DPH6: variants seen among roughly 807,000 people sequenced by gnomAD.
DPH6 encodes the protein diphthine--ammonia ligase.
In DPH6, 33 loss-of-function variants were observed where a neutral mutation model predicts 38.2. That is an observed-to-expected ratio of 0.86 (90% CI 0.65 to 1.15). The LOEUF (loss-of-function observed/expected upper bound fraction) is 1.15, where lower values mean the gene tolerates loss of function less well. DPH6 is among the 50% of genes most tolerant of loss of function. The pLI, the probability that DPH6 is intolerant of heterozygous loss-of-function variation, is 0.00. For synonymous variants in DPH6, 108 were observed against 103.0 expected (o/e 1.05, Z -0.30); for missense variants, 325 against 320.0 (o/e 1.02, Z -0.12).
At chr15:35,202,764 T>C in the DPH6 span, among the ~76,000 whole-genome samples, 1 of 151,828 alleles carries the variant, frequency 6.6e-6, no homozygotes, top group African/African-American at 2.4e-5. Flanking sequence ...GCGTTTTCAG[T>C]ATCTGGTCAT....
At chr15:35,531,809 T>TCCCC in intron 3 of DPH6, among the ~76,000 whole-genome samples, 1 of 152,260 alleles carries the variant, frequency 6.6e-6, no homozygotes. Flanking sequence ...ACTAAACTTA[T>TCCCC]TCTTTTAATA....
chr15:35,353,664 G>A lies in DPH6; in HGVS notation n.207+19857C>T, dbSNP rs1200979385. Among the ~76,000 whole-genome samples the A allele has an allele frequency of 4.6e-5, 7 of 152,290 alleles. No individual in the cohort carries two copies. The East Asian group carries it at 1.4e-3, about 29-fold the overall frequency. On this transcript the variant is annotated intron_variant and non_coding_transcript_variant, in intron 3 of 3. Coordinates refer to the DPH6 transcript ENST00000558973. ...ATCTCTGTTTTGGTACCAGTAGCAT[G>A]CTGTTTTGGTTACTGTAGCCTTGTA...
intron 3 of DPH6, among the ~76,000 whole-genome samples, chr15:35,534,389 A>AAAAAAG: frequency 6.6e-6 from 1 of 151,546 alleles, no homozygotes; most frequent in Admixed American, 6.6e-5. Context: ...AAAAAAAAAA[A>AAAAAAG]AAAAAAGAAA....
chr15:35,352,344 T>A (rs2052521233), intron 3 of DPH6, among the ~76,000 whole-genome samples: 1 of 152,194 alleles, frequency 6.6e-6, no homozygotes, highest in African/African-American at 2.4e-5. Context: ...GTTTGTTACA[T>A]ATGTATACAT....
At chr15:35,301,100 C>G (rs543438630) in intron 3 of DPH6, among the ~76,000 whole-genome samples, 4 of 152,182 alleles carry the variant, frequency 2.6e-5, no homozygotes, top group African/African-American at 7.2e-5. Flanking sequence ...GACCTTAACA[C>G]TAAATCACAC....
chr15:35,484,720 G>A (rs887901409), intron 3 of DPH6, among the ~76,000 whole-genome samples: 3 of 152,076 alleles, frequency 2.0e-5, no homozygotes, highest in African/African-American at 2.4e-5. Context: ...TGTAAGTCTC[G>A]GGTCTAGCCC....
At chr15:35,302,011 C>A (rs2140805445) in intron 3 of DPH6, among the ~76,000 whole-genome samples, 1 of 151,980 alleles carries the variant, frequency 6.6e-6, no homozygotes, top group Admixed American at 6.6e-5. Flanking sequence ...ATTTAAAAAC[C>A]AAATTCCAAC....
At position 35,448,998 on chromosome 15, in the gene DPH6, TGCTTAAATCCAAAAAAAGTCCC is replaced by T. The variant is rs776783237; in HGVS notation, c.505+1665_505+1686del. 1.3e-3 allele frequency among the ~76,000 whole-genome samples: 163 copies of T among 126,038 alleles called. 1 individual carries two copies. The highest frequency in any genetic ancestry group is 1.2e-3 in the Non-Finnish European group (70 of 59,486). 82.7% of individuals were successfully genotyped at this position (126,038 alleles called of 152,430 possible). On this transcript the variant is annotated intron_variant, in intron 5 of 8. Transcript: ENST00000256538. Reference sequence around the variant, plus strand: ...CTTATTGTCTCATTTTTTTTTTTTTTGCTTAAATCCAAAAAAAGTCCCTTTTTTTTGGCTTAAATCCATTTAA... The same window carrying T: ...CTTATTGTCTCATTTTTTTTTTTTTTTTTTTTTTGGCTTAAATCCATTTAA...
At chr15:35,542,799 T>C (rs1218158667) in intron 1 of DPH6, among the ~76,000 whole-genome samples, 2 of 148,832 alleles carry the variant, frequency 1.3e-5, no homozygotes, top group African/African-American at 4.9e-5. Flanking sequence ...GATTTGCAAA[T>C]AGAAAATGAT....
chr15:35,327,547 A>G (rs530415955), downstream of DPH6, among the ~76,000 whole-genome samples: 15 of 152,160 alleles, frequency 9.9e-5, no homozygotes, highest in Admixed American at 3.3e-4. Flanking sequence ...GGGTTTCACC[A>G]TGTTAGCCAG....
At chr15:35,439,643 T>A (rs923901545) in intron 5 of DPH6, among the ~76,000 whole-genome samples, 1 of 152,180 alleles carries the variant, frequency 6.6e-6, no homozygotes, top group Non-Finnish European at 1.5e-5. Flanking sequence ...CTGTACAAAG[T>A]TCCTAACCTG....
In DPH6 at chr15:35,443,724, C is replaced by T. The variant is rs1248410864; in HGVS notation, c.505+6961G>A. 2.0e-5 allele frequency among the ~76,000 whole-genome samples: 3 copies of T among 152,172 alleles called. No homozygotes were observed. In the South Asian group the frequency reaches 6.2e-4, roughly 32 times the overall value. ...TGGAGTTTTCACTTAACTGTTCAGT[C>T]ATAAATTAAGTTCTAAAGCTCATCT... On this transcript the variant is annotated intron_variant, in intron 5 of 8. Coordinates refer to ENST00000256538, the MANE Select transcript of DPH6 (RefSeq NM_080650.4).
At chr15:35,242,481 G>C (rs146248337) in intron 3 of DPH6, among the ~76,000 whole-genome samples, 6,528 of 143,116 alleles carry the variant, frequency 0.046, 1,045 homozygotes, top group African/African-American at 0.15. Flanking sequence ...AGAAGGCCAC[G>C]GCAGTCAGTT....
intron 5 of DPH6, among the ~76,000 whole-genome samples, chr15:35,426,128 A>G (rs1160368824): frequency 6.6e-6 from 1 of 151,226 alleles, no homozygotes; most frequent in East Asian, 1.9e-4. Flanking sequence ...TTTTTTTCTT[A>G]AGTTGAAAAT....
the DPH6 span, among the ~76,000 whole-genome samples, chr15:35,157,775 C>T: frequency 1.8e-4 from 27 of 152,046 alleles, no homozygotes; most frequent in African/African-American, 6.0e-4. Flanking sequence ...GTTCTGTGAA[C>T]AAATTGGACA....
At chr15:35,368,090 T>TA (rs1403999677), downstream of DPH6, among the ~76,000 whole-genome samples, 2 of 151,836 alleles carry the variant, frequency 1.3e-5, no homozygotes, top group Non-Finnish European at 2.9e-5. Context: ...CAACTAAACA[T>TA]AAAGCAGAAT....
chr15:35,174,867 C>T, the DPH6 span, among the ~76,000 whole-genome samples: 1 of 152,064 alleles, frequency 6.6e-6, no homozygotes, highest in African/African-American at 2.4e-5. Context: ...ATCATGATTC[C>T]ACAATTCCTT....
chr15:35,283,594 C>T (rs758151438), intron 3 of DPH6, among the ~76,000 whole-genome samples: 6 of 152,128 alleles, frequency 3.9e-5, no homozygotes, highest in African/African-American at 1.4e-4. Context: ...CACACCCGGC[C>T]CCTGAATAAC....
chr15:35,378,946 A>C (rs1477848374), intron 7 of DPH6, among the ~76,000 whole-genome samples: 1 of 152,218 alleles, frequency 6.6e-6, no homozygotes, highest in Non-Finnish European at 1.5e-5. Flanking sequence ...CACATTCTTC[A>C]CATGTACCCT....
Sources: gnomAD v4.1 joint callset for allele counts (sites outside exome capture counted in the v4.1 genomes callset) on GRCh38, gnomAD v4.1.1 for gene constraint, MANE v1.5 for transcripts, NCBI Gene and HGNC (gene_info 2026-07-23, HGNC 2026-07-21) for gene names.